Variants in SURF4 observed in about 807,000 individuals in gnomAD.
SURF4 encodes surfeit 4, also known as surfeit locus protein 4.
Under a neutral mutation model 30.0 loss-of-function variants are expected in SURF4, and 3 were observed. The ratio of observed to expected loss-of-function variants is 0.10; its 90% CI spans 0.05 to 0.26. The LOEUF (loss-of-function observed/expected upper bound fraction) is 0.26. Among genes scored for constraint, SURF4 ranks in the 10% least tolerant of loss-of-function variants. The pLI is 1.00. For missense variants in SURF4, 217 were observed against 350.8 expected (o/e 0.62, Z 3.05); for synonymous variants, 143 against 139.9 (o/e 1.02, Z -0.16).
Position 133,364,828 on chromosome 9 carries a change from AG to A in SURF4, c.543+11del. The A allele has an allele frequency of 6.2e-7, 1 of 1,613,920 alleles. No homozygotes were observed. The highest frequency in any genetic ancestry group is 8.5e-7 in the Non-Finnish European group (1 of 1,179,912). ...GGAAACCAGACCGGTTCAGGCAAGTAGGAATACTTACAGAAAAGAAGCTGGC... is the reference window on the plus strand; with the variant it reads ...GGAAACCAGACCGGTTCAGGCAAGTAGAATACTTACAGAAAAGAAGCTGGC... On this transcript the variant is annotated intron_variant, in intron 5 of 5. Transcript: ENST00000371989.
rs1837810512 is a variant in SURF4, at chr9:133,375,205, G to C, written c.48+717C>G. On this transcript the variant is annotated intron_variant, in intron 1 of 5. Transcript: ENST00000371989. ...GCTCTCAACAGTTACCCAACCGCCT[G>C]TTTCAAAGGCTTCCCTGTTGCTCAG... is the stretch of plus-strand genomic sequence containing the variant. 3.0e-6 allele frequency: 3 copies of C among 985,352 alleles called. No individual in the cohort carries two copies. The African/African-American group carries it at 5.2e-5, about 17-fold the overall frequency. The allele number at this position is 985,352 out of a possible 1,614,324, so 61.0% of individuals were successfully genotyped here.
At chr9:133,367,060 G>A (rs898081593) in intron 2 of SURF4, among the ~76,000 whole-genome samples, 199 bp downstream of exon 2, 1 of 152,234 alleles carries the variant, frequency 6.6e-6, no homozygotes, top group African/African-American at 2.4e-5. Flanking sequence ...AAAGCAGTGA[G>A]CTCAGGGCTA....
At chr9:133,368,820 C>G (rs1282851352) in intron 1 of SURF4, among the ~76,000 whole-genome samples, 6 of 152,086 alleles carry the variant, frequency 3.9e-5, no homozygotes, top group Admixed American at 3.3e-4. Context: ...TGTAACACAG[C>G]AAGTCCTTCG....
rs1375338170 is a variant in SURF4, at chr9:133,362,623, C to T, written c.*870G>A. On this transcript the variant is annotated 3_prime_UTR_variant, in exon 6 of 6. Transcript: ENST00000371989. Reference sequence around the variant, plus strand: ...TCCAGTGCTGGGAGCTCCTGCCACACCCCCTGCCCACAGCGGCTGCGGCTC... The same window carrying T: ...TCCAGTGCTGGGAGCTCCTGCCACATCCCCTGCCCACAGCGGCTGCGGCTC... 2 of 152,766 alleles carry T rather than the reference C, an allele frequency of 1.3e-5. No homozygotes were observed. The highest frequency in any genetic ancestry group is 2.9e-5 in the Non-Finnish European group (2 of 68,176). The allele number at this position is 152,766 out of a possible 1,614,324, so 9.5% of individuals were successfully genotyped here. A position where few individuals can be genotyped will look rare whatever the true frequency, so the allele number is the denominator to read the frequency against.
In SURF4 at chr9:133,362,897, AGCAGCTTCTACCACC is replaced by A. The variant is rs2130079903; in HGVS notation, c.*581_*595del. 1 of 160,028 alleles carries A rather than the reference AGCAGCTTCTACCACC, an allele frequency of 6.2e-6. No individual in the cohort carries two copies. Among genetic ancestry groups the A allele is most frequent in the South Asian group, 1.7e-4 (1 of 5,744 alleles). The allele number at this position is 160,028 out of a possible 1,614,324, so 9.9% of individuals were successfully genotyped here. On this transcript the variant is annotated 3_prime_UTR_variant, in exon 6 of 6. Coordinates refer to ENST00000371989, the MANE Select transcript of SURF4 (RefSeq NM_033161.4). Reference sequence around the variant, plus strand: ...CTGACCGATGACTTTTATCATAAACAGCAGCTTCTACCACCCCTTTAATACTGCATCATTCTTTGG... The same window carrying A: ...CTGACCGATGACTTTTATCATAAACACCTTTAATACTGCATCATTCTTTGG...
upstream of SURF4, among the ~76,000 whole-genome samples, chr9:133,376,861 G>A: frequency 6.6e-6 from 1 of 152,198 alleles, no homozygotes. Flanking sequence ...GTCCACCGAG[G>A]CAGGACCCCC....
chr9:133,370,018 C>G (rs1285629564), intron 1 of SURF4, among the ~76,000 whole-genome samples: 1 of 152,198 alleles, frequency 6.6e-6, no homozygotes, highest in Non-Finnish European at 1.5e-5. Flanking sequence ...CAGAGGTGTT[C>G]TGACTTGCTT....
At chr9:133,365,146 AC>A in intron 4 of SURF4, 120 bp from the exon 5 acceptor site, 1 of 953,148 alleles carries the variant, frequency 1.0e-6, no homozygotes, top group Non-Finnish European at 1.5e-6. Flanking sequence ...CTTTCTCCAA[AC>A]CCAGTGATCT....
intron 1 of SURF4, among the ~76,000 whole-genome samples, chr9:133,368,018 G>GA (rs1286374587): frequency 6.6e-6 from 1 of 152,206 alleles, no homozygotes; most frequent in Non-Finnish European, 1.5e-5. Context: ...CCTCCCTCCT[G>GA]AGGCACCGCT....
upstream of SURF4, chr9:133,376,076 T>G: frequency 2.5e-6 from 3 of 1,200,476 alleles, no homozygotes; most frequent in Non-Finnish European, 3.1e-6. Context: ...GCGGCCGGCC[T>G]CGCTCCGCGT....
At chr9:133,369,881 G>A (rs1341860889) in intron 1 of SURF4, among the ~76,000 whole-genome samples, 1 of 152,266 alleles carries the variant, frequency 6.6e-6, no homozygotes, top group Non-Finnish European at 1.5e-5. Flanking sequence ...GAGCTCAACA[G>A]GAGGCTGTCC....
intron 1 of SURF4, among the ~76,000 whole-genome samples, chr9:133,374,116 T>C (rs2130220279): frequency 6.6e-6 from 1 of 152,174 alleles, no homozygotes; most frequent in South Asian, 2.1e-4. Context: ...CATCCTTCCC[T>C]CAGCTATGAG....
chr9:133,376,305 G>T, upstream of SURF4: 2 of 1,340,248 alleles, frequency 1.5e-6, no homozygotes, highest in South Asian at 1.9e-5. Context: ...CCGGCGGAAC[G>T]CGTCCCTTTT....
Position 133,365,203 on chromosome 9 carries a change from G to A in SURF4, c.357-177C>T, listed in dbSNP as rs2130114897. 5.9e-5 allele frequency among the ~76,000 whole-genome samples: 9 copies of A among 152,220 alleles called. No individual in the cohort carries two copies. The South Asian group carries it at 1.9e-3, about 32-fold the overall frequency. The stretch of plus-strand genomic sequence containing the variant: ...CATGCGCACAGGACCTCAGACTCGA[G>A]TTACACCCATGTAAAACCTTACATA... On this transcript the variant is annotated intron_variant, in intron 4 of 5. Coordinates refer to ENST00000371989, the MANE Select transcript of SURF4 (RefSeq NM_033161.4).
chr9:133,364,698 A>C (rs1218784941), intron 5 of SURF4, 142 bp downstream of exon 5: 1 of 809,220 alleles, frequency 1.2e-6, no homozygotes, highest in Non-Finnish European at 1.9e-6. Flanking sequence ...CTCAAAAAAA[A>C]AAAAAAAAAA....
chr9:133,369,104 G>A (rs1280341472), intron 1 of SURF4, among the ~76,000 whole-genome samples: 1 of 152,150 alleles, frequency 6.6e-6, no homozygotes, highest in African/African-American at 2.4e-5. Context: ...CTGTCAGGTG[G>A]GGCCCTGACT....
At chr9:133,367,160 C>T in intron 2 of SURF4, 99 bp downstream of exon 2, 1 of 1,426,148 alleles carries the variant, frequency 7.0e-7, no homozygotes, top group African/African-American at 1.4e-5. Context: ...GGGGGGACAG[C>T]AGTCCAGGAG....
chr9:133,372,720 G>A (rs1184321364), intron 1 of SURF4: 13 of 816,360 alleles, frequency 1.6e-5, no homozygotes, highest in East Asian at 2.5e-4. Context: ...ATCCTCTATC[G>A]GCTTCAAATT....
intron 5 of SURF4, 83 bp downstream of exon 5, chr9:133,364,757 A>AG: frequency 7.8e-7 from 1 of 1,276,658 alleles, no homozygotes; most frequent in South Asian, 1.3e-5. Flanking sequence ...ATACCCAACC[A>AG]GGGAGGGGTG....
Sources: allele counts gnomAD v4.1 joint callset (sites outside exome capture counted in the v4.1 genomes callset), GRCh38; gene constraint gnomAD v4.1.1; transcripts MANE v1.5; gene names NCBI Gene and HGNC (gene_info 2026-07-23, HGNC 2026-07-21).